CA1: variants seen among roughly 807,000 people sequenced by gnomAD.
The protein encoded by CA1 is carbonic anhydrase 1.
Under a neutral mutation model 28.8 loss-of-function variants are expected in CA1, and 27 were observed. That is an observed-to-expected ratio of 0.94 (90% CI 0.69 to 1.29). The LOEUF is 1.29. CA1 is among the 50% of genes most tolerant of loss of function. CA1 has a pLI of 0.00. For synonymous variants in CA1, 121 were observed against 108.8 expected (o/e 1.11, Z -0.70); for missense variants, 335 against 310.5 (o/e 1.08, Z -0.59).
At position 85,335,960 on chromosome 8, in the gene CA1, C is replaced by T. The variant is rs73691820; in HGVS notation, c.354+985G>A. 8.1e-3 allele frequency among the ~76,000 whole-genome samples: 1,227 copies of T among 152,228 alleles called. 15 individuals carry two copies. Among genetic ancestry groups the T allele is most frequent in the African/African-American group, 0.028 (1,160 of 41,530 alleles). ...AGCAGTCTGCCCTGGAAAAATCTAT[C>T]GTACATAATTACTTTCACTAGTGCA... is the stretch of plus-strand genomic sequence containing the variant. On this transcript the variant is annotated intron_variant, in intron 4 of 7. Transcript: ENST00000523022.
intron 5 of CA1, among the ~76,000 whole-genome samples, chr8:85,332,885 G>A (rs1808469528): frequency 6.6e-6 from 1 of 152,096 alleles, no homozygotes; most frequent in African/African-American, 2.4e-5. Context: ...TGTTATATTA[G>A]TTTTCATTAC....
At chr8:85,352,135 A>G (rs187448200) in intron 1 of CA1, among the ~76,000 whole-genome samples, 1 of 152,330 alleles carries the variant, frequency 6.6e-6, no homozygotes, top group East Asian at 1.9e-4. Context: ...CTGTCTCCTG[A>G]AACACCAGGT....
Position 85,339,635 on chromosome 8 carries a change from C to G in CA1, c.38-1186G>C, listed in dbSNP as rs116334375. ...ATTAAGCTCAGTGAAGAAGGCATGT[C>G]AAGAGTTGAGACAGGCCAAAAACTA... On this transcript the variant is annotated intron_variant, in intron 2 of 7. Transcript: ENST00000523022. Among the ~76,000 whole-genome samples the G allele has an allele frequency of 2.0e-5, 3 of 152,270 alleles. No homozygotes were observed. The South Asian group carries it at 6.2e-4, about 32-fold the overall frequency.
intron 1 of CA1, among the ~76,000 whole-genome samples, chr8:85,344,878 G>A (rs1159520098): frequency 6.6e-6 from 1 of 152,104 alleles, no homozygotes; most frequent in Non-Finnish European, 1.5e-5. Flanking sequence ...CCTAAAATGA[G>A]GAAATATATA....
At chr8:85,344,185 T>A (rs1389592231) in intron 1 of CA1, among the ~76,000 whole-genome samples, 1 of 117,944 alleles carries the variant, frequency 8.5e-6, no homozygotes, top group East Asian at 2.1e-4. Context: ...ATATAATATA[T>A]AATTATATAT....
intron 1 of CA1, among the ~76,000 whole-genome samples, chr8:85,365,136 T>C (rs1053909384): frequency 6.6e-6 from 1 of 152,148 alleles, no homozygotes; most frequent in Non-Finnish European, 1.5e-5. Flanking sequence ...GCATCACCGG[T>C]ATATAAAAGG....
intron 1 of CA1, among the ~76,000 whole-genome samples, chr8:85,371,492 G>T (rs1810227123): frequency 6.6e-6 from 1 of 152,050 alleles, no homozygotes; most frequent in Non-Finnish European, 1.5e-5. Context: ...AAAGAACGGG[G>T]TCTCTGAATA....
In CA1 at chr8:85,338,427, C is replaced by T. The variant is rs761224715; in HGVS notation, c.60G>A (p.Leu20=). The change falls in exon 3 of 8, where the codon CTG becomes CTA. Residue 20 remains leucine, a synonymous_variant. Coordinates refer to ENST00000523022, the MANE Select transcript of CA1 (RefSeq NM_001128831.4). ...DKNGPEQWSK[L]YPIANGNNQS... ...GGTTATTTCCATTGGCAATGGGATA[C>T]AGCTTGCTCCATTGTTCAGGACCTA... 3.7e-6 allele frequency: 6 copies of T among 1,613,806 alleles called. 1 individual carries two copies. The South Asian group carries it at 6.6e-5, about 18-fold the overall frequency.
At chr8:85,372,000 A>G (rs1371955719) in intron 1 of CA1, among the ~76,000 whole-genome samples, 6 of 152,166 alleles carry the variant, frequency 3.9e-5, no homozygotes, top group Non-Finnish European at 7.3e-5. Context: ...TGTACAGGAG[A>G]AAGACATATA....
At chr8:85,363,040 A>T (rs932594965) in intron 1 of CA1, among the ~76,000 whole-genome samples, 1 of 152,220 alleles carries the variant, frequency 6.6e-6, no homozygotes, top group Non-Finnish European at 1.5e-5. Flanking sequence ...AAGGGCTGTT[A>T]AGTCTACATA....
intron 3 of CA1, chr8:85,337,858 G>GT: frequency 6.5e-6 from 2 of 309,310 alleles, no homozygotes; most frequent in Non-Finnish European, 1.3e-5. Context: ...TCACTGCTTT[G>GT]TTTTTCTTTT....
At chr8:85,339,907 GC>G (rs1564026158) in intron 2 of CA1, among the ~76,000 whole-genome samples, 3 of 152,210 alleles carry the variant, frequency 2.0e-5, no homozygotes, top group Non-Finnish European at 1.5e-5. Flanking sequence ...AGGCAAAGAA[GC>G]TGCAGAAGAA....
chr8:85,359,961 A>G (rs1020426696), intron 1 of CA1, among the ~76,000 whole-genome samples: 7 of 152,244 alleles, frequency 4.6e-5, no homozygotes, highest in Admixed American at 4.6e-4. Context: ...AAAACCATGG[A>G]AAACATGTGC....
chr8:85,348,524 G>A (rs1809288732), intron 1 of CA1, among the ~76,000 whole-genome samples: 1 of 152,128 alleles, frequency 6.6e-6, no homozygotes, highest in Admixed American at 6.5e-5. Context: ...TTTGCAGAAC[G>A]ACTCATTACT....
At chr8:85,351,626 C>G (rs932749979) in intron 1 of CA1, 1 of 152,146 alleles carries the variant, frequency 6.6e-6, no homozygotes, top group African/African-American at 2.4e-5. Flanking sequence ...TCCTAGATCA[C>G]CCATTTTTCC....
At position 85,332,530 on chromosome 8, in the gene CA1, A is replaced by C; in HGVS notation, c.473T>G (p.Leu158Arg). 1 of 1,613,234 alleles carries C rather than the reference A, an allele frequency of 6.2e-7. No homozygotes were observed. The highest frequency in any genetic ancestry group is 8.5e-7 in the Non-Finnish European group (1 of 1,179,392). The change falls in exon 6 of 8, where the codon CTG becomes CGG. Residue 158 changes from leucine to arginine, a missense_variant. Physicochemically the swap from Leu to Arg is moderately radical, Grantham distance 102. Coordinates refer to ENST00000523022, the MANE Select transcript of CA1 (RefSeq NM_001128831.4). ...TTGGAGGGCATCAAGTACTTTCTGC[A>C]GCTTTGGGTTGGCCTCACCAACCTG... ...LMKVGEANPK[L>R]QKVLDALQAI... is the part of the protein sequence containing the mutation.
At chr8:85,372,544 C>T (rs1199824518) in intron 1 of CA1, among the ~76,000 whole-genome samples, 1 of 152,030 alleles carries the variant, frequency 6.6e-6, no homozygotes, top group African/African-American at 2.4e-5. Context: ...GTGTTATTCA[C>T]AATATTCCAA....
intron 1 of CA1, among the ~76,000 whole-genome samples, chr8:85,375,205 C>T (rs1445165006): frequency 6.6e-6 from 1 of 152,126 alleles, no homozygotes; most frequent in African/African-American, 2.4e-5. Context: ...CTTCTCTCCA[C>T]TGTGCTATTC....
intron 6 of CA1, among the ~76,000 whole-genome samples, chr8:85,330,425 G>C (rs1282410032): frequency 6.6e-6 from 1 of 151,902 alleles, no homozygotes; most frequent in Non-Finnish European, 1.5e-5. Context: ...TTTTGTTTTT[G>C]CTCTTTCGAT....
Sources: allele counts gnomAD v4.1 joint callset (sites outside exome capture counted in the v4.1 genomes callset), GRCh38; gene constraint gnomAD v4.1.1; transcripts MANE v1.5; gene names NCBI Gene and HGNC (gene_info 2026-07-23, HGNC 2026-07-21).